The following USHBP1 variants were observed in gnomAD, a reference collection of about 807,000 sequenced individuals.
USHBP1 encodes USH1 protein network component harmonin binding protein 1.
Under a neutral mutation model 76.2 loss-of-function variants are expected in USHBP1, and 67 were observed. The observed-to-expected ratio is 0.88, with a 90% CI of 0.72 to 1.08. The LOEUF (loss-of-function observed/expected upper bound fraction) is 1.08, where lower values mean the gene tolerates loss of function less well. USHBP1 is among the 50% of genes least tolerant of loss of function. USHBP1 has a pLI of 0.00. For synonymous variants in USHBP1, 322 were observed against 362.2 expected, an observed-to-expected ratio of 0.89 and a Z score of 1.26; for missense variants, 931 against 915.0, an observed-to-expected ratio of 1.02 and a Z score of -0.23.
intron 5 of USHBP1, 30 bp downstream of exon 5, chr19:17,259,867 A>G (rs1330279590): frequency 6.2e-7 from 1 of 1,604,738 alleles, no homozygotes; most frequent in Non-Finnish European, 8.5e-7. Flanking sequence ...AAGGACATCA[A>G]GACCATGGGA....
At position 17,256,649 on chromosome 19, in the gene USHBP1, C is replaced by T. The variant is rs762190493; in HGVS notation, c.1292G>A (p.Arg431His). 18 of 1,614,082 alleles carry T rather than the reference C, an allele frequency of 1.1e-5. No homozygotes were observed. The highest frequency in any genetic ancestry group is 1.6e-4 in the Middle Eastern group (1 of 6,084). Residue 431 changes from arginine to histidine, a missense_variant, in exon 9 of 13, where the codon CGT becomes CAT. Arg to His is a conservative substitution (Grantham distance 29). Transcript: ENST00000252597. Reference sequence around the variant, plus strand: ...CATTAGAGAACGGCGCTCCTGGAGACGCTGGACATAGCTTCGGAGCTGGAA... The same window carrying T: ...CATTAGAGAACGGCGCTCCTGGAGATGCTGGACATAGCTTCGGAGCTGGAA... ...VAFQLRSYVQ[R>H]LQERRSLMKI...
intron 11 of USHBP1, 21 bp from the exon 12 acceptor site, chr19:17,251,725 G>A: frequency 6.2e-7 from 1 of 1,610,692 alleles, no homozygotes; most frequent in Non-Finnish European, 8.5e-7. Flanking sequence ...GGAGAAGAGA[G>A]GGGGCTCACA....
intron 4 of USHBP1, among the ~76,000 whole-genome samples, chr19:17,261,082 C>G (rs892211335): frequency 6.6e-6 from 1 of 152,150 alleles, no homozygotes; most frequent in Admixed American, 6.6e-5. Context: ...TGCCCCTCCT[C>G]TGCTCAAAAC....
chr19:17,252,784 G>A (rs1314280762), intron 10 of USHBP1, among the ~76,000 whole-genome samples: 2 of 151,440 alleles, frequency 1.3e-5, no homozygotes, highest in East Asian at 2.0e-4. Flanking sequence ...CTAACTGGGC[G>A]GCTGAGGCAG....
chr19:17,253,270 C>T (rs114727965), intron 10 of USHBP1, among the ~76,000 whole-genome samples: 3,498 of 149,270 alleles, frequency 0.023, 105 homozygotes, highest in African/African-American at 0.072. Flanking sequence ...CATGAGCCAT[C>T]GTGCCCGGAC....
At chr19:17,264,191 A>G (rs754479313) in intron 2 of USHBP1, 41 bp from the exon 3 acceptor site, 2 of 1,612,878 alleles carry the variant, frequency 1.2e-6, no homozygotes. Context: ...GCCAGGCAGG[A>G]CAGGACCTTG....
At chr19:17,253,298 C>CTT (rs766563444) in intron 10 of USHBP1, among the ~76,000 whole-genome samples, 6 of 114,228 alleles carry the variant, frequency 5.3e-5, no homozygotes, top group Admixed American at 9.3e-5. Flanking sequence ...ATTTTTTTTT[C>CTT]TTTTTTTTTT....
chr19:17,251,620 CTG>C lies in USHBP1; in HGVS notation c.1882_1883del (p.Gln628GlufsTer115). 1 of 1,614,080 alleles carries C rather than the reference CTG, an allele frequency of 6.2e-7. No individual in the cohort carries two copies. The highest frequency in any genetic ancestry group is 1.1e-5 in the South Asian group (1 of 91,086). ...VAQKGRARRS[Q>X]SAELNRDLCK... is the part of the protein sequence containing the mutation. Reference sequence around the variant, plus strand: ...ATAAATCCCTGTTCAGCTCGGCACTCTGAGACCGTCTGGCTCGCCCCTTCTGA... The same window carrying C: ...ATAAATCCCTGTTCAGCTCGGCACTCAGACCGTCTGGCTCGCCCCTTCTGA... On this transcript the variant is annotated frameshift_variant, in exon 12 of 13. Coordinates refer to ENST00000252597, the MANE Select transcript of USHBP1 (RefSeq NM_031941.4). LOFTEE classifies it low-confidence loss of function (END_TRUNC).
At chr19:17,258,120 A>C in intron 8 of USHBP1, 92 bp downstream of exon 8, 1 of 1,572,382 alleles carries the variant, frequency 6.4e-7, no homozygotes, top group South Asian at 1.1e-5. Flanking sequence ...AGCCACACCA[A>C]GCCCCGAAAC....
In USHBP1 at chr19:17,251,486, T is replaced by C. The variant is rs530245403; in HGVS notation, c.1922+96A>G. The C allele has an allele frequency of 7.2e-5, 110 of 1,529,350 alleles. No individual in the cohort carries two copies. In the African/African-American group the frequency reaches 1.2e-3, roughly 16 times the overall value. The allele number at this position is 1,529,350 out of a possible 1,614,324, so 94.7% of individuals were successfully genotyped here. ...ACCGTTACTGCCTATCTTGGGGCAGTGGGGAATGCTAAGGCCCAGAGACAG... is the reference window on the plus strand; with the variant it reads ...ACCGTTACTGCCTATCTTGGGGCAGCGGGGAATGCTAAGGCCCAGAGACAG... On this transcript the variant is annotated intron_variant, in intron 12 of 12. Coordinates refer to ENST00000252597, the MANE Select transcript of USHBP1 (RefSeq NM_031941.4).
chr19:17,253,029 C>G (rs897923501), intron 10 of USHBP1, among the ~76,000 whole-genome samples: 3 of 151,792 alleles, frequency 2.0e-5, no homozygotes, highest in Non-Finnish European at 4.4e-5. Flanking sequence ...AGTGCACTGG[C>G]GTGATCTCAG....
At chr19:17,263,797 CAG>C in intron 3 of USHBP1, 2 of 589,480 alleles carry the variant, frequency 3.4e-6, no homozygotes, top group South Asian at 3.4e-5. Context: ...AACCGGGAGG[CAG>C]GGGTTGCTGT....
At chr19:17,263,026 T>C (rs763251018) in intron 3 of USHBP1, 36 bp from the exon 4 acceptor site, 36 of 1,496,650 alleles carry the variant, frequency 2.4e-5, no homozygotes, top group Middle Eastern at 3.6e-4. Flanking sequence ...AGTCACTCCA[T>C]GCTGGGCAAG....
In USHBP1 at chr19:17,262,948, G is replaced by C. The variant is rs757748825; in HGVS notation, c.246C>G (p.Ala82=). ...GTTTGTGGGGCACTTCGGGGGCTGA[G>C]GCCAGTTCCCTGCCAGAGCCCCCAT... The part of the protein sequence containing the change: ...KMDGGSGREL[A]SAPEVPHKPA... The change falls in exon 4 of 13, where the codon GCC becomes GCG. Residue 82 remains alanine, a synonymous_variant. Coordinates refer to ENST00000252597, the MANE Select transcript of USHBP1 (RefSeq NM_031941.4). 10 of 1,531,378 alleles carry C rather than the reference G, an allele frequency of 6.5e-6. No homozygotes were observed. The South Asian group carries it at 1.3e-4, about 20-fold the overall frequency. 94.9% of individuals were successfully genotyped at this position (1,531,378 alleles called of 1,614,324 possible).
At chr19:17,263,819 T>C (rs2073719653) in intron 3 of USHBP1, 183 bp downstream of exon 3, 3 of 741,750 alleles carry the variant, frequency 4.0e-6, no homozygotes, top group Non-Finnish European at 4.0e-6. Context: ...TGAGCCGAGA[T>C]TGTGCCACTG....
In USHBP1 at chr19:17,259,275, C is replaced by T. The variant is rs16981704; in HGVS notation, c.1046+14G>A. On this transcript the variant is annotated intron_variant, in intron 7 of 12. Transcript: ENST00000252597. ...CCTCCCCAGCTGGTGACATCACTGG[C>T]AGGGTGCACTGACCTGTACTGCAAG... 1.3e-6 allele frequency: 2 copies of T among 1,583,806 alleles called. No homozygotes were observed. The highest frequency in any genetic ancestry group is 1.9e-5 in the Admixed American group (1 of 54,036).
At chr19:17,262,277 A>G (rs985573189) in intron 4 of USHBP1, among the ~76,000 whole-genome samples, 9 of 151,954 alleles carry the variant, frequency 5.9e-5, no homozygotes, top group Admixed American at 3.3e-4. Flanking sequence ...TGCTGGGATT[A>G]CAGGTGTGAG....
At chr19:17,256,792 G>T in intron 8 of USHBP1, 72 bp from the exon 9 acceptor site, 1 of 1,599,752 alleles carries the variant, frequency 6.3e-7, no homozygotes, top group Non-Finnish European at 8.5e-7. Context: ...GCCAATCCTG[G>T]TAGGGTCCAT....
At position 17,264,397 on chromosome 19, in the gene USHBP1, G is replaced by A. The variant is rs956218850; in HGVS notation, c.-48-50C>T. On this transcript the variant is annotated intron_variant, in intron 1 of 12. Coordinates refer to ENST00000252597, the MANE Select transcript of USHBP1 (RefSeq NM_031941.4). ...TCTTGCCTTTGTTGTCCTGGACAAA[G>A]GACAACCTCAATTTCCTCTGCTGTG... 1.2e-5 allele frequency: 16 copies of A among 1,389,122 alleles called. 1 individual carries two copies. The highest frequency in any genetic ancestry group is 1.4e-5 in the Non-Finnish European group (15 of 1,035,602). 86.0% of individuals were successfully genotyped at this position (1,389,122 alleles called of 1,614,324 possible). A position where few individuals can be genotyped will look rare whatever the true frequency, so the allele number is the denominator to read the frequency against.
Sources: gnomAD v4.1 joint callset for allele counts (sites outside exome capture counted in the v4.1 genomes callset) on GRCh38, gnomAD v4.1.1 for gene constraint, MANE v1.5 for transcripts, NCBI Gene and HGNC (gene_info 2026-07-23, HGNC 2026-07-21) for gene names.